Variants in ACVR1 observed in about 807,000 individuals in gnomAD.
The protein encoded by ACVR1 is activin A receptor type 1.
A neutral mutation model predicts 57.1 loss-of-function variants in ACVR1; 38 were observed. The ratio of observed to expected loss-of-function variants is 0.67; its 90% CI spans 0.51 to 0.87. ACVR1 has a LOEUF of 0.87. ACVR1 is among the 40% of genes least tolerant of loss of function. ACVR1 has a pLI of 0.00. For synonymous variants in ACVR1, 212 were observed against 228.1 expected, an observed-to-expected ratio of 0.93 and a Z score of 0.63; for missense variants, 463 against 638.2, an observed-to-expected ratio of 0.73 and a Z score of 2.96.
intron 1 of ACVR1, among the ~76,000 whole-genome samples, chr2:157,869,602 G>T (rs1049625680): frequency 2.0e-5 from 3 of 152,144 alleles, no homozygotes; most frequent in Admixed American, 6.5e-5. Flanking sequence ...TGTGTACCAG[G>T]TCATGATATA....
chr2:157,874,614 A>AT (rs1365532106), intron 1 of ACVR1, among the ~76,000 whole-genome samples: 1 of 152,128 alleles, frequency 6.6e-6, no homozygotes, highest in African/African-American at 2.4e-5. Flanking sequence ...TCCAGGAAGA[A>AT]TTTTTTTGGG....
intron 1 of ACVR1, among the ~76,000 whole-genome samples, chr2:157,828,006 CAAGGGGTATTCTTTAATTA>C: frequency 6.6e-6 from 1 of 152,252 alleles, no homozygotes; most frequent in South Asian, 2.1e-4. Flanking sequence ...ATGCTAACAG[CAAGGGGTATTCTTTAATTA>C]AAGGTGCTGT....
chr2:157,802,756 T>C (rs1687373356), intron 2 of ACVR1, among the ~76,000 whole-genome samples: 1 of 152,178 alleles, frequency 6.6e-6, no homozygotes, highest in South Asian at 2.1e-4. Flanking sequence ...TCATCCTAAT[T>C]AATAATTATG....
At chr2:157,841,951 C>T (rs1688993491) in intron 1 of ACVR1, among the ~76,000 whole-genome samples, 2 of 144,054 alleles carry the variant, frequency 1.4e-5, no homozygotes, top group Admixed American at 7.4e-5. Context: ...GGCATGAACC[C>T]GGGAGGCAGA....
chr2:157,830,229 TAAATA>T (rs1453300357), intron 1 of ACVR1, among the ~76,000 whole-genome samples: 3 of 151,926 alleles, frequency 2.0e-5, no homozygotes, highest in Non-Finnish European at 2.9e-5. Context: ...AAAATAAAAT[TAAATA>T]AAAGGCCCTT....
chr2:157,837,420 A>T (rs1334752059), intron 1 of ACVR1, among the ~76,000 whole-genome samples: 2 of 152,188 alleles, frequency 1.3e-5, no homozygotes, highest in East Asian at 3.9e-4. Flanking sequence ...GTACATATAG[A>T]ATGAAAGCTG....
chr2:157,743,731 C>T lies in ACVR1; in HGVS notation c.1265-5161G>A, dbSNP rs184998683. ...AATAAATAAAGGTTATACACTGACA[C>T]ACGTCCATTCAGGTCATGTTTGACT... On this transcript the variant is annotated intron_variant, in intron 9 of 10. Transcript: ENST00000434821. 2.0e-5 allele frequency among the ~76,000 whole-genome samples: 3 copies of T among 151,342 alleles called. No homozygotes were observed. The East Asian group carries it at 5.8e-4, about 29-fold the overall frequency.
rs73022037 is a variant in ACVR1 at position 157,750,086 on chromosome 2, C to A, written c.1264+10794G>T. ...CTGACAGCCTAGGGAATGACCTGCC[C>A]TGCTGGTCACCACTGGAGCCTGAGC... On this transcript the variant is annotated intron_variant, in intron 9 of 10. Transcript: ENST00000434821. Among the ~76,000 whole-genome samples, 895 of 152,318 alleles carry A rather than the reference C, an allele frequency of 5.9e-3. 5 individuals are homozygous for A. The highest frequency in any genetic ancestry group is 0.02 in the African/African-American group (826 of 41,548).
intron 1 of ACVR1, among the ~76,000 whole-genome samples, chr2:157,823,580 T>C (rs987239598): frequency 6.6e-6 from 1 of 152,208 alleles, no homozygotes; most frequent in Non-Finnish European, 1.5e-5. Context: ...ACAGTGAAGA[T>C]GGGCTTTCCT....
chr2:157,777,782 A>G (rs1341628046), intron 5 of ACVR1, among the ~76,000 whole-genome samples: 2 of 152,218 alleles, frequency 1.3e-5, no homozygotes, highest in Non-Finnish European at 2.9e-5. Context: ...TTAAAGGAGC[A>G]CTTTTATGGC....
At chr2:157,811,703 A>G (rs1425687865) in intron 2 of ACVR1, among the ~76,000 whole-genome samples, 4 of 152,144 alleles carry the variant, frequency 2.6e-5, no homozygotes, top group African/African-American at 9.7e-5. Flanking sequence ...TCACCCAACA[A>G]AGTTAAAATT....
At chr2:157,746,898 A>C (rs1684987119) in intron 9 of ACVR1, among the ~76,000 whole-genome samples, 1 of 152,240 alleles carries the variant, frequency 6.6e-6, no homozygotes, top group African/African-American at 2.4e-5. Context: ...CAGATGCAAA[A>C]ATGGACTTAA....
chr2:157,848,559 C>A (rs1689197646), intron 1 of ACVR1, among the ~76,000 whole-genome samples: 1 of 152,130 alleles, frequency 6.6e-6, no homozygotes, highest in Non-Finnish European at 1.5e-5. Flanking sequence ...TGTGCATGTT[C>A]CAAATCCCTG....
At chr2:157,797,509 A>T (rs2105303565) in intron 3 of ACVR1, among the ~76,000 whole-genome samples, 1 of 152,346 alleles carries the variant, frequency 6.6e-6, no homozygotes, top group African/African-American at 2.4e-5. Flanking sequence ...TCAATGTGCA[A>T]TAGAGTAGAG....
At chr2:157,872,166 C>T (rs1213652183) in intron 1 of ACVR1, among the ~76,000 whole-genome samples, 2 of 152,148 alleles carry the variant, frequency 1.3e-5, no homozygotes, top group African/African-American at 4.8e-5. Flanking sequence ...ATTCCAAATC[C>T]TCATTTCCAG....
rs974557904 is a variant in ACVR1, at chr2:157,821,954, C to T, written c.-182-3395G>A. Among the ~76,000 whole-genome samples, 6 of 152,258 alleles carry T rather than the reference C, an allele frequency of 3.9e-5. No homozygotes were observed. In the East Asian group the frequency reaches 9.6e-4, roughly 24 times the overall value. On this transcript the variant is annotated intron_variant, in intron 1 of 10. Coordinates refer to ENST00000434821, the MANE Select transcript of ACVR1 (RefSeq NM_001111067.4). ...AATCAAACAAGCTCTTGGCAGTCCA[C>T]ACAACAGCTAAGCAACAGGGGAAAA...
intron 2 of ACVR1, among the ~76,000 whole-genome samples, chr2:157,817,844 CA>C (rs960122599): frequency 2.3e-4 from 35 of 151,296 alleles, no homozygotes; most frequent in Non-Finnish European, 4.6e-4. Flanking sequence ...ACTAATAATA[CA>C]AAAAAAATTA....
chr2:157,805,607 C>A (rs1687490199), intron 2 of ACVR1, among the ~76,000 whole-genome samples: 1 of 151,986 alleles, frequency 6.6e-6, no homozygotes, highest in Non-Finnish European at 1.5e-5. Flanking sequence ...TTTATGGAAT[C>A]CTGCTTTTTC....
chr2:157,820,758 T>C (rs1688134677), intron 1 of ACVR1, among the ~76,000 whole-genome samples: 1 of 152,156 alleles, frequency 6.6e-6, no homozygotes, highest in South Asian at 2.1e-4. Flanking sequence ...CTGGTATTTA[T>C]ATTCTATATG....
Sources: gnomAD v4.1 joint callset for allele counts (sites outside exome capture counted in the v4.1 genomes callset) on GRCh38, gnomAD v4.1.1 for gene constraint, MANE v1.5 for transcripts, NCBI Gene and HGNC (gene_info 2026-07-23, HGNC 2026-07-21) for gene names.